Variants in PTPRE observed in about 807,000 individuals in gnomAD.
The protein encoded by PTPRE is receptor-type tyrosine-protein phosphatase epsilon.
In PTPRE, 51 loss-of-function variants were observed where a neutral mutation model predicts 102.0. The observed-to-expected ratio is 0.50, with a 90% CI of 0.40 to 0.63. The LOEUF (loss-of-function observed/expected upper bound fraction) is 0.63, where lower values mean the gene tolerates loss of function less well. Ranked by LOEUF, PTPRE falls within the 30% of genes least tolerant of loss-of-function variation. PTPRE has a pLI of 0.00. For synonymous variants in PTPRE, 345 were observed against 348.2 expected (o/e 0.99, Z 0.10); for missense variants, 752 against 915.1 (o/e 0.82, Z 2.30).
At position 127,960,798 on chromosome 10, in the gene PTPRE, C is replaced by T. The variant is rs571626973; in HGVS notation, c.-30-21476C>T. Reference sequence around the variant, plus strand: ...CAGCACTTTGGGAGGCCGAGGTGGGCGGATCACTAGGTCAGGAGATCAAGA... The same window carrying T: ...CAGCACTTTGGGAGGCCGAGGTGGGTGGATCACTAGGTCAGGAGATCAAGA... On this transcript the variant is annotated intron_variant, in intron 1 of 20. Transcript: ENST00000254667. Among the ~76,000 whole-genome samples the T allele has an allele frequency of 4.5e-4, 68 of 152,046 alleles. No individual in the cohort carries two copies. The Middle Eastern group carries it at 0.01, about 23-fold the overall frequency.
intron 2 of PTPRE, among the ~76,000 whole-genome samples, chr10:128,039,188 C>T (rs1183069006): frequency 6.6e-6 from 1 of 152,116 alleles, no homozygotes; most frequent in Non-Finnish European, 1.5e-5. Context: ...TTTTTAAAAA[C>T]AGTGTGTGCC....
intron 1 of PTPRE, among the ~76,000 whole-genome samples, chr10:127,957,136 A>G (rs1252784283): frequency 2.6e-5 from 4 of 152,184 alleles, no homozygotes; most frequent in African/African-American, 7.2e-5. Context: ...ATTGTATCTA[A>G]AAAGTCATCC....
chr10:127,960,674 C>G (rs1440122934), intron 1 of PTPRE, among the ~76,000 whole-genome samples: 1 of 152,214 alleles, frequency 6.6e-6, no homozygotes, highest in Non-Finnish European at 1.5e-5. Context: ...TAGCCCAGAT[C>G]TTGCTCTGAT....
intron 1 of PTPRE, among the ~76,000 whole-genome samples, chr10:127,974,009 C>A (rs1269981382): frequency 3.3e-5 from 5 of 152,244 alleles, no homozygotes; most frequent in African/African-American, 1.2e-4. Flanking sequence ...AGTCAGGAAT[C>A]CACAGTCCAC....
At chr10:128,024,292 T>C (rs1846138066) in intron 2 of PTPRE, among the ~76,000 whole-genome samples, 1 of 152,352 alleles carries the variant, frequency 6.6e-6, no homozygotes, top group Non-Finnish European at 1.5e-5. Flanking sequence ...TTCTGTCTTA[T>C]TTGGCCCCAG....
chr10:127,957,246 T>C (rs538032834), intron 1 of PTPRE, among the ~76,000 whole-genome samples: 2 of 152,368 alleles, frequency 1.3e-5, no homozygotes, highest in South Asian at 2.1e-4. Flanking sequence ...GTTAATTTTT[T>C]GTGAAGGGTA....
chr10:128,074,388 T>C (rs115331490), intron 17 of PTPRE, among the ~76,000 whole-genome samples: 1 of 152,180 alleles, frequency 6.6e-6, no homozygotes, highest in Non-Finnish European at 1.5e-5. Flanking sequence ...CTGCTTTGCT[T>C]GGTGCGGTTG....
At chr10:127,924,819 A>G (rs1846888869) in intron 1 of PTPRE, among the ~76,000 whole-genome samples, 1 of 152,250 alleles carries the variant, frequency 6.6e-6, no homozygotes, top group South Asian at 2.1e-4. Context: ...TCTAGAAGTT[A>G]TGGAGCATTG....
intron 1 of PTPRE, among the ~76,000 whole-genome samples, chr10:127,921,129 A>G (rs1459025374): frequency 6.6e-6 from 1 of 152,234 alleles, no homozygotes; most frequent in African/African-American, 2.4e-5. Context: ...GTCCAGGGCA[A>G]TAAATGAAAT....
At chr10:127,947,065 T>C (rs1406503797) in intron 1 of PTPRE, among the ~76,000 whole-genome samples, 1 of 151,038 alleles carries the variant, frequency 6.6e-6, no homozygotes, top group Non-Finnish European at 1.5e-5. Context: ...TCATTTATAG[T>C]GTGATTTGTG....
intron 7 of PTPRE, among the ~76,000 whole-genome samples, chr10:128,056,767 G>C (rs1849002984): frequency 1.3e-5 from 2 of 152,090 alleles, no homozygotes; most frequent in African/African-American, 4.8e-5. Flanking sequence ...GGGGAGCGTG[G>C]GTGCCAGGAG....
intron 1 of PTPRE, among the ~76,000 whole-genome samples, chr10:127,950,559 A>G (rs1231116412): frequency 6.6e-6 from 1 of 152,176 alleles, no homozygotes; most frequent in East Asian, 1.9e-4. Flanking sequence ...GCATCCCTGA[A>G]GAGCTCCGCG....
intron 1 of PTPRE, among the ~76,000 whole-genome samples, chr10:127,917,833 T>C (rs1237239191): frequency 6.6e-6 from 1 of 152,030 alleles, no homozygotes; most frequent in Non-Finnish European, 1.5e-5. Flanking sequence ...AGTTCACAAC[T>C]AGCCGGGCCA....
chr10:128,085,557 T>A lies in PTPRE; in HGVS notation c.*2651T>A, dbSNP rs978835728. ...TTTTATGTGTTTTTAAACACTTTTTTAAATGAGCCTGACACCTGTGTTTCA... is the reference window on the plus strand; with the variant it reads ...TTTTATGTGTTTTTAAACACTTTTTAAAATGAGCCTGACACCTGTGTTTCA... On this transcript the variant is annotated 3_prime_UTR_variant, in exon 21 of 21. Coordinates refer to ENST00000254667, the MANE Select transcript of PTPRE (RefSeq NM_006504.6). 4 of 153,018 alleles carry A rather than the reference T, an allele frequency of 2.6e-5. No individual in the cohort carries two copies. Among genetic ancestry groups the A allele is most frequent in the Non-Finnish European group, 4.4e-5 (3 of 68,262 alleles). 9.5% of individuals were successfully genotyped at this position (153,018 alleles called of 1,614,324 possible).
rs956106938 is a variant in PTPRE at position 127,944,190 on chromosome 10, A to G, written c.-31+36881A>G. On this transcript the variant is annotated intron_variant, in intron 1 of 20. Transcript: ENST00000254667. This position sits in a 1 kb window ranked among gnomAD's most constrained non-coding sequence, Gnocchi z 4.2. ...ATATTACTGCTCAGAGGGCCTGATA[A>G]GAATCCAGGGACCAGAACTGGGGTA... 3.9e-5 allele frequency among the ~76,000 whole-genome samples: 6 copies of G among 152,232 alleles called. No individual in the cohort carries two copies. Among genetic ancestry groups the G allele is most frequent in the African/African-American group, 1.4e-4 (6 of 41,450 alleles).
At chr10:128,056,888 A>G (rs932104382) in intron 7 of PTPRE, among the ~76,000 whole-genome samples, 2 of 151,976 alleles carry the variant, frequency 1.3e-5, no homozygotes, top group East Asian at 3.9e-4. Context: ...CTTGGTGCCA[A>G]GACAAACCCT....
intron 2 of PTPRE, among the ~76,000 whole-genome samples, chr10:128,000,978 T>C (rs968060682): frequency 1.3e-5 from 2 of 152,228 alleles, no homozygotes; most frequent in East Asian, 1.9e-4. Flanking sequence ...GGAGAGTCTT[T>C]ATAAATCTGA....
intron 2 of PTPRE, among the ~76,000 whole-genome samples, chr10:128,030,563 A>C (rs151005984): frequency 6.6e-6 from 1 of 152,126 alleles, no homozygotes; most frequent in Non-Finnish European, 1.5e-5. Flanking sequence ...TTATTTCTTC[A>C]TGGCGATTCC....
chr10:128,073,505 G>A, intron 17 of PTPRE, 34 bp downstream of exon 17: 1 of 1,603,800 alleles, frequency 6.2e-7, no homozygotes, highest in Non-Finnish European at 8.5e-7. Context: ...TCCCTCCAGG[G>A]CAGCCTGTGC....
Sources: gnomAD v4.1 joint callset for allele counts (sites outside exome capture counted in the v4.1 genomes callset) on GRCh38, gnomAD v4.1.1 for gene constraint, Gnocchi (gnomAD v3.1) non-coding constraint, MANE v1.5 for transcripts, NCBI Gene and HGNC (gene_info 2026-07-23, HGNC 2026-07-21) for gene names.